Variants in EFL1 observed in about 807,000 individuals in gnomAD.
EFL1 encodes the protein elongation factor-like GTPase 1.
A neutral mutation model predicts 126.7 loss-of-function variants in EFL1; 76 were observed. The observed-to-expected ratio is 0.60, with a 90% confidence interval of 0.50 to 0.73. The LOEUF is 0.73. EFL1 is among the 30% of genes least tolerant of loss of function. EFL1 has a pLI of 0.00. For synonymous variants in EFL1, 410 were observed against 448.4 expected, an observed-to-expected ratio of 0.91 and a Z score of 1.08; for missense variants, 1,128 against 1,343.2, an observed-to-expected ratio of 0.84 and a Z score of 2.50.
At chr15:82,217,070 C>T (rs907222041) in intron 14 of EFL1, among the ~76,000 whole-genome samples, 1 of 151,956 alleles carries the variant, frequency 6.6e-6, no homozygotes, top group Non-Finnish European at 1.5e-5. Flanking sequence ...CCAATAAACA[C>T]ATTAAAAGAG....
intron 1 of EFL1, 46 bp from the exon 2 acceptor site, chr15:82,261,843 G>C: frequency 2.1e-6 from 3 of 1,456,278 alleles, no homozygotes; most frequent in African/African-American, 1.4e-5. Context: ...GCTAAAGGTC[G>C]GGGCAAAAGA....
chr15:82,146,762 C>T (rs74475637), intron 18 of EFL1, among the ~76,000 whole-genome samples: 3,187 of 152,198 alleles, frequency 0.021, 109 homozygotes, highest in African/African-American at 0.072. Context: ...CACACAGTTG[C>T]CGCACGCAGG....
chr15:82,149,930 G>A (rs766126606), intron 18 of EFL1, among the ~76,000 whole-genome samples: 22 of 152,072 alleles, frequency 1.4e-4, no homozygotes, highest in Non-Finnish European at 2.8e-4. Flanking sequence ...AAGCTCTTAG[G>A]TCTTCTTCAA....
Position 82,230,928 on chromosome 15 carries a change from T to G in EFL1, c.775A>C (p.Lys259Gln). 6.2e-7 allele frequency: 1 copy of G among 1,613,540 alleles called. No individual in the cohort carries two copies. Among genetic ancestry groups the G allele is most frequent in the Non-Finnish European group, 8.5e-7 (1 of 1,179,668 alleles). ...ARIYSQKIGI[K>Q]KEVLMKTLWG... is the part of the protein sequence containing the mutation. ...AAGGTTTTCATAAGAACTTCCTTTT[T>G]GATGCCAATTTTTTGACTGTAGATT... Residue 259 changes from lysine (K) to glutamine (Q), a missense_variant, in exon 8 of 20, where the codon AAA becomes CAA. Around this residue, in one of 6 missense-constraint regions of EFL1, gnomAD observed 316 missense variants for 318.5 expected, o/e 0.99. Transcript: ENST00000268206.
chr15:82,142,966 TTTTATG>T (rs2073804745), intron 18 of EFL1, among the ~76,000 whole-genome samples: 2 of 152,254 alleles, frequency 1.3e-5, no homozygotes, highest in African/African-American at 4.8e-5. Context: ...TTATCTGTTC[TTTTATG>T]GCCCTATGGA....
In EFL1 at chr15:82,258,369, G is replaced by C. The variant is rs551771285; in HGVS notation, c.159+719C>G. The stretch of plus-strand genomic sequence containing the variant: ...AGCCCAGGAGTTCAAGATCAGCCTA[G>C]GGAACATGGCAAAACCCTGTCTCTA... On this transcript the variant is annotated intron_variant, in intron 3 of 19. Coordinates refer to ENST00000268206, the MANE Select transcript of EFL1 (RefSeq NM_024580.6). 5.9e-5 allele frequency among the ~76,000 whole-genome samples: 9 copies of C among 152,182 alleles called. 1 individual carries two copies. The South Asian group carries it at 1.9e-3, about 32-fold the overall frequency.
chr15:82,219,431 C>T (rs992839402), intron 14 of EFL1, among the ~76,000 whole-genome samples: 8 of 152,138 alleles, frequency 5.3e-5, no homozygotes, highest in Non-Finnish European at 1.2e-4. Flanking sequence ...TTAAACAAGG[C>T]CTGAAAATTT....
chr15:82,239,157 G>A (rs2074904516), intron 6 of EFL1, among the ~76,000 whole-genome samples: 1 of 152,048 alleles, frequency 6.6e-6, no homozygotes, highest in African/African-American at 2.4e-5. Flanking sequence ...TTTTTTCTGA[G>A]GTGGAGTCTC....
chr15:82,164,050 C>G, intron 15 of EFL1, 66 bp from the exon 16 acceptor site: 1 of 1,585,022 alleles, frequency 6.3e-7, no homozygotes, highest in East Asian at 2.3e-5. Flanking sequence ...GTCAGAAAAA[C>G]AGCAGCATCA....
At chr15:82,250,631 G>A (rs569376374) in intron 4 of EFL1, among the ~76,000 whole-genome samples, 1 of 151,922 alleles carries the variant, frequency 6.6e-6, no homozygotes, top group African/African-American at 2.4e-5. Context: ...ATGAGACAGA[G>A]AAAAGACATA....
chr15:82,221,029 A>G (rs1380046357), intron 12 of EFL1, among the ~76,000 whole-genome samples: 1 of 152,164 alleles, frequency 6.6e-6, no homozygotes, highest in Admixed American at 6.5e-5. Flanking sequence ...CTCAACCCCA[A>G]CACATGAACA....
intron 19 of EFL1, among the ~76,000 whole-genome samples, chr15:82,137,622 T>G (rs2073735960): frequency 6.6e-6 from 1 of 152,212 alleles, no homozygotes; most frequent in African/African-American, 2.4e-5. Context: ...ACTCTCTGAC[T>G]CCAAAGTCAA....
In EFL1 at chr15:82,144,145, T is replaced by C. The variant is rs1329780971; in HGVS notation, c.2990-5303A>G. Among the ~76,000 whole-genome samples the C allele has an allele frequency of 2.0e-5, 3 of 151,774 alleles. No individual in the cohort carries two copies. The East Asian group carries it at 5.8e-4, about 29-fold the overall frequency. On this transcript the variant is annotated intron_variant, in intron 18 of 19. Transcript: ENST00000268206. ...GGAATGGTGGCATGCCTGTGCTTCCTGGAGGCTGAGGTGGGAGGAGCGCTT... is the reference window on the plus strand; with the variant it reads ...GGAATGGTGGCATGCCTGTGCTTCCCGGAGGCTGAGGTGGGAGGAGCGCTT...
intron 3 of EFL1, among the ~76,000 whole-genome samples, chr15:82,253,332 G>A (rs1459030347): frequency 6.6e-6 from 1 of 151,730 alleles, no homozygotes; most frequent in Non-Finnish European, 1.5e-5. Context: ...GAGCTACCGC[G>A]CCTAGCCCTC....
chr15:82,239,685 A>G (rs914428283), intron 6 of EFL1, among the ~76,000 whole-genome samples: 2 of 152,194 alleles, frequency 1.3e-5, no homozygotes, highest in African/African-American at 4.8e-5. Context: ...GCTAAAAAAC[A>G]ATTTGCAGTT....
At position 82,135,265 on chromosome 15, in the gene EFL1, A is replaced by T. The variant is rs200746687; in HGVS notation, c.3174+3393T>A. ...CTAAGCCAGAAAGTAATATTTTTTA[A>T]AAAAAGTATTACATGTATAAGATCA... On this transcript the variant is annotated intron_variant, in intron 19 of 19. Coordinates refer to ENST00000268206, the MANE Select transcript of EFL1 (RefSeq NM_024580.6). Among the ~76,000 whole-genome samples the T allele has an allele frequency of 3.5e-4, 53 of 151,814 alleles. 1 individual carries two copies. In the South Asian group the frequency reaches 6.4e-3, roughly 18 times the overall value.
chr15:82,211,579 C>CAT (rs2074588593), intron 15 of EFL1, among the ~76,000 whole-genome samples: 2 of 123,238 alleles, frequency 1.6e-5, no homozygotes, highest in African/African-American at 6.9e-5. Context: ...CACACACACA[C>CAT]ACTAGACACA....
chr15:82,183,549 G>A (rs2074273436), intron 15 of EFL1, among the ~76,000 whole-genome samples: 1 of 152,300 alleles, frequency 6.6e-6, no homozygotes, highest in African/African-American at 2.4e-5. Flanking sequence ...ACAGGGGCCA[G>A]CTGAGAACAG....
intron 2 of EFL1, among the ~76,000 whole-genome samples, chr15:82,259,982 G>A (rs1378289988): frequency 6.6e-6 from 1 of 152,108 alleles, no homozygotes; most frequent in Admixed American, 6.5e-5. Context: ...CAGTAAAGCT[G>A]AATTTATTCT....
Sources: allele counts gnomAD v4.1 joint callset (sites outside exome capture counted in the v4.1 genomes callset), GRCh38; gene constraint gnomAD v4.1.1; regional missense constraint gnomAD v4.1.1; transcripts MANE v1.5; gene names NCBI Gene and HGNC (gene_info 2026-07-23, HGNC 2026-07-21).